Variants in SYCP1 observed in about 807,000 individuals in gnomAD.
SYCP1 encodes synaptonemal complex protein 1.
Under a neutral mutation model 153.1 loss-of-function variants are expected in SYCP1, and 64 were observed. The ratio of observed to expected loss-of-function variants is 0.42; its 90% CI spans 0.34 to 0.51. The LOEUF (loss-of-function observed/expected upper bound fraction) is 0.51, where lower values mean the gene tolerates loss of function less well. SYCP1 is among the 20% of genes least tolerant of loss of function. The pLI is 0.06. For missense variants in SYCP1, 997 were observed against 1,049.0 expected (o/e 0.95, Z 0.68); for synonymous variants, 384 against 341.8 (o/e 1.12, Z -1.36).
intron 8 of SYCP1, among the ~76,000 whole-genome samples, chr1:114,867,555 T>C (rs1664846608): frequency 6.6e-6 from 1 of 152,190 alleles, no homozygotes; most frequent in Non-Finnish European, 1.5e-5. Flanking sequence ...ATTCCGCTTA[T>C]TCATTGCTGG....
chr1:114,906,878 T>C (rs1467511042), intron 16 of SYCP1, among the ~76,000 whole-genome samples: 2 of 152,214 alleles, frequency 1.3e-5, no homozygotes, highest in Admixed American at 6.5e-5. Context: ...TACAAATATA[T>C]GTTTTTAATT....
intron 3 of SYCP1, 96 bp from the exon 4 acceptor site, chr1:114,857,136 C>CAAGAA: frequency 8.2e-6 from 2 of 242,710 alleles, no homozygotes; most frequent in Non-Finnish European, 1.2e-5. Context: ...CTCTCTCTCT[C>CAAGAA]AAAAAAAAAA....
At chr1:114,933,178 G>A (rs1669754258) in intron 23 of SYCP1, among the ~76,000 whole-genome samples, 2 of 152,150 alleles carry the variant, frequency 1.3e-5, no homozygotes, top group African/African-American at 4.8e-5. Context: ...ACATGGCTGG[G>A]TACCCCTCTG....
intron 19 of SYCP1, 42 bp from the exon 20 acceptor site, chr1:114,913,933 G>A (rs1323373554): frequency 1.4e-6 from 2 of 1,389,970 alleles, no homozygotes; most frequent in Non-Finnish European, 1.9e-6. Context: ...TTTTATTTTT[G>A]TTTAAACAAA....
chr1:114,859,386 C>T (rs553169147), intron 6 of SYCP1, among the ~76,000 whole-genome samples: 2 of 151,658 alleles, frequency 1.3e-5, no homozygotes, highest in South Asian at 2.1e-4. Context: ...TGCTCCCGGC[C>T]GAAACTGTGT....
intron 3 of SYCP1, 35 bp from the exon 4 acceptor site, chr1:114,857,197 G>C: frequency 7.2e-7 from 1 of 1,385,982 alleles, no homozygotes. Flanking sequence ...AAAAGATGTT[G>C]GCGTATTTAA....
At chr1:114,854,148 C>T (rs1222119373), upstream of SYCP1, among the ~76,000 whole-genome samples, 4 of 151,094 alleles carry the variant, frequency 2.6e-5, no homozygotes, top group Non-Finnish European at 5.9e-5. Context: ...TCTGTCTCCT[C>T]TCTCTCTCTC....
intron 9 of SYCP1, 40 bp from the exon 10 acceptor site, chr1:114,876,029 A>T (rs1665505154): frequency 1.4e-6 from 2 of 1,382,018 alleles, no homozygotes; most frequent in Non-Finnish European, 2.0e-6. Flanking sequence ...AAAGCTATTT[A>T]AAAAAATTTA....
At chr1:114,994,609 C>A in intron 30 of SYCP1, 89 bp from the exon 31 acceptor site, 2 of 938,910 alleles carry the variant, frequency 2.1e-6, no homozygotes, top group Non-Finnish European at 2.9e-6. Context: ...ACTCTTTGTT[C>A]TCCTCACATG....
At chr1:114,955,449 G>A (rs1222104857) in intron 27 of SYCP1, among the ~76,000 whole-genome samples, 2 of 152,090 alleles carry the variant, frequency 1.3e-5, no homozygotes, top group Non-Finnish European at 1.5e-5. Context: ...TTCTGTTTTC[G>A]GGAAGAGATT....
intron 3 of SYCP1, 89 bp downstream of exon 3, chr1:114,856,746 ATATAAG>A: frequency 1.0e-6 from 1 of 979,986 alleles, no homozygotes; most frequent in South Asian, 1.8e-5. Context: ...CATAAGTATT[ATATAAG>A]TATAATTGAC....
At chr1:114,878,029 A>G in intron 11 of SYCP1, 65 bp from the exon 12 acceptor site, 3 of 902,286 alleles carry the variant, frequency 3.3e-6, no homozygotes, top group Non-Finnish European at 5.0e-6. Flanking sequence ...AATTGTAGGT[A>G]TTATAAATGT....
chr1:114,865,089 G>A (rs536382414), intron 8 of SYCP1, among the ~76,000 whole-genome samples: 14 of 152,146 alleles, frequency 9.2e-5, no homozygotes, highest in African/African-American at 2.9e-4. Context: ...TTAAAAATTT[G>A]TAGTGTCACT....
At chr1:114,875,946 T>A (rs1051060378) in intron 9 of SYCP1, 123 bp from the exon 10 acceptor site, 2 of 582,458 alleles carry the variant, frequency 3.4e-6, no homozygotes, top group Admixed American at 7.2e-5. Flanking sequence ...AGTGTTTTAG[T>A]TATTCCAAAT....
rs796971265 is a variant in SYCP1, at chr1:114,908,236, A to G, written c.1321-2161A>G. ...GGTTGACAGTTTTGTTTCTTTCAGC[A>G]CCTTAAAGATGATGTCTTATTGTCT... On this transcript the variant is annotated intron_variant, in intron 16 of 31. Coordinates refer to ENST00000369522, the MANE Select transcript of SYCP1 (RefSeq NM_003176.4). Among the ~76,000 whole-genome samples, 11 of 149,538 alleles carry G rather than the reference A, an allele frequency of 7.4e-5. No homozygotes were observed. The East Asian group carries it at 2.2e-3, about 29-fold the overall frequency.
intron 23 of SYCP1, among the ~76,000 whole-genome samples, chr1:114,938,400 G>A (rs2101796395): frequency 6.7e-6 from 1 of 148,860 alleles, no homozygotes; most frequent in East Asian, 2.0e-4. Flanking sequence ...GCCTGTTGTG[G>A]GATGGGGGGA....
chr1:114,979,739 A>G (rs1282696487), intron 28 of SYCP1, among the ~76,000 whole-genome samples: 1 of 151,858 alleles, frequency 6.6e-6, no homozygotes, highest in African/African-American at 2.4e-5. Flanking sequence ...ACAGATCACT[A>G]GAATTACGCA....
intron 22 of SYCP1, 32 bp from the exon 23 acceptor site, chr1:114,926,469 G>T: frequency 6.6e-7 from 1 of 1,510,560 alleles, no homozygotes; most frequent in Non-Finnish European, 8.9e-7. Context: ...AATAACTTTA[G>T]TACTAAATAT....
chr1:114,885,625 G>T lies in SYCP1; in HGVS notation c.1001G>T (p.Ser334Ile), dbSNP rs573554678. The T allele has an allele frequency of 6.4e-7, 1 of 1,555,970 alleles. No individual in the cohort carries two copies. Among genetic ancestry groups the T allele is most frequent in the South Asian group, 1.2e-5 (1 of 84,746 alleles). ...GATATTAAAGTGTCATTACAAAGAAGTGTGGTATGATTTAAAAACTCATTA... is the reference window on the plus strand; with the variant it reads ...GATATTAAAGTGTCATTACAAAGAATTGTGGTATGATTTAAAAACTCATTA... ...LEDIKVSLQRSVSTQKALEED... is the reference protein window; with the variant it reads ...LEDIKVSLQRIVSTQKALEED... The change falls in exon 13 of 32, where the codon AGT (serine) becomes ATT (isoleucine). Residue 334 changes from serine to isoleucine, a missense_variant. Ser to Ile is a moderately radical substitution (Grantham distance 142). Transcript: ENST00000369522.
Sources: allele counts gnomAD v4.1 joint callset (sites outside exome capture counted in the v4.1 genomes callset), GRCh38; gene constraint gnomAD v4.1.1; transcripts MANE v1.5; gene names NCBI Gene and HGNC (gene_info 2026-07-23, HGNC 2026-07-21).